CD38: variants seen among roughly 807,000 people sequenced by gnomAD.
The protein encoded by CD38 is ADP-ribosyl cyclase/cyclic ADP-ribose hydrolase 1.
A neutral mutation model predicts 36.3 loss-of-function variants in CD38; 31 were observed. The ratio of observed to expected loss-of-function variants is 0.85; its 90% CI spans 0.64 to 1.15. CD38 has a LOEUF of 1.15. CD38 is among the 50% of genes most tolerant of loss of function. The pLI, the probability that CD38 is intolerant of heterozygous loss-of-function variation, is 0.00. For missense variants in CD38, 380 were observed against 371.9 expected (o/e 1.02, Z -0.18); for synonymous variants, 131 against 135.2 (o/e 0.97, Z 0.22).
chr4:15,815,140 GT>G (rs1410291983), intron 1 of CD38, among the ~76,000 whole-genome samples: 1 of 151,762 alleles, frequency 6.6e-6, no homozygotes, highest in African/African-American at 2.4e-5. Flanking sequence ...CTATATATCT[GT>G]TTTGGTACTA....
At chr4:15,785,385 A>G (rs561987495) in intron 1 of CD38, among the ~76,000 whole-genome samples, 1 of 152,136 alleles carries the variant, frequency 6.6e-6, no homozygotes, top group South Asian at 2.1e-4. Flanking sequence ...GAAGATACCT[A>G]TTTCTATACC....
rs1441793149 is a variant in CD38, at chr4:15,824,962, C to G, written c.445C>G (p.Leu149Val). The G allele has an allele frequency of 1.2e-6, 2 of 1,613,804 alleles. No homozygotes were observed. The highest frequency in any genetic ancestry group is 1.7e-6 in the Non-Finnish European group (2 of 1,179,906). Residue 149 changes from leucine to valine, a missense_variant, in exon 3 of 8, where the codon CTG becomes GTG. Leu to Val is a conservative substitution (Grantham distance 32). Transcript: ENST00000226279. ...QRDMFTLEDT[L>V]LGYLADDLTW... ...GGACATGTTCACCCTGGAGGACACG[C>G]TGCTAGGCTACCTTGCTGATGACCT...
chr4:15,819,245 A>G (rs535983841), intron 2 of CD38, among the ~76,000 whole-genome samples: 26 of 152,264 alleles, frequency 1.7e-4, no homozygotes, highest in Middle Eastern at 3.4e-3. Context: ...TGACGGGTTG[A>G]TGGGTGCAGC....
At chr4:15,808,582 A>G (rs1220324665) in intron 1 of CD38, among the ~76,000 whole-genome samples, 6 of 152,252 alleles carry the variant, frequency 3.9e-5, no homozygotes, top group Admixed American at 3.9e-4. Flanking sequence ...ACCACTCTAT[A>G]CTAGTCCAGG....
intron 1 of CD38, among the ~76,000 whole-genome samples, chr4:15,788,428 C>A (rs1319012331): frequency 6.6e-6 from 1 of 152,092 alleles, no homozygotes; most frequent in Non-Finnish European, 1.5e-5. Context: ...ATTCCATGCA[C>A]CTTCAGTCCT....
chr4:15,789,935 G>A (rs1339594087), intron 1 of CD38, among the ~76,000 whole-genome samples: 3 of 152,108 alleles, frequency 2.0e-5, no homozygotes, highest in African/African-American at 7.2e-5. Flanking sequence ...CCCAGCTTCA[G>A]GTATTCTGCT....
At chr4:15,818,525 A>G (rs1383661636) in intron 2 of CD38, among the ~76,000 whole-genome samples, 1 of 152,194 alleles carries the variant, frequency 6.6e-6, no homozygotes, top group Non-Finnish European at 1.5e-5. Flanking sequence ...TGCCTCCTCA[A>G]GTGAGTCCCT....
intron 2 of CD38, among the ~76,000 whole-genome samples, chr4:15,822,146 T>C (rs887237101): frequency 2.0e-5 from 3 of 152,190 alleles, no homozygotes; most frequent in Non-Finnish European, 2.9e-5. Context: ...TCACCATCCC[T>C]TCACGTTAAA....
chr4:15,819,982 A>G (rs1723697500), intron 2 of CD38, among the ~76,000 whole-genome samples: 1 of 152,216 alleles, frequency 6.6e-6, no homozygotes, highest in Non-Finnish European at 1.5e-5. Context: ...AGCCAATTAG[A>G]CTAACAGCAG....
chr4:15,848,578 T>G lies in CD38; in HGVS notation c.879T>G (p.Asp293Glu). 6.2e-7 allele frequency: 1 copy of G among 1,613,964 alleles called. No individual in the cohort carries two copies. Among genetic ancestry groups the G allele is most frequent in the Non-Finnish European group, 8.5e-7 (1 of 1,179,852 alleles). ...TTCAGTGTGTGAAAAATCCTGAGGA[T>G]TCATCTTGCACATCTGAGATCTGAG... ...KFLQCVKNPE[D>E]SSCTSEI is the part of the protein sequence containing the mutation. Residue 293 changes from aspartate (D) to glutamate (E), a missense_variant, in exon 8 of 8, where the codon GAT (aspartate) becomes GAG (glutamate). By Grantham distance (45) the Asp-to-Glu change is conservative. Coordinates refer to ENST00000226279, the MANE Select transcript of CD38 (RefSeq NM_001775.4).
chr4:15,849,209 G>C lies in CD38; in HGVS notation c.*607G>C, dbSNP rs1724334678. ...TTTTAGATGAGAAAATGGGAGCTCA[G>C]AGAGGTTATATATTTAAGTTGGTGC... On this transcript the variant is annotated 3_prime_UTR_variant, in exon 8 of 8. Coordinates refer to ENST00000226279, the MANE Select transcript of CD38 (RefSeq NM_001775.4). The C allele has an allele frequency of 6.6e-6, 1 of 152,162 alleles. No individual in the cohort carries two copies. The highest frequency in any genetic ancestry group is 2.4e-5 in the African/African-American group (1 of 41,442). 9.4% of individuals were successfully genotyped at this position (152,162 alleles called of 1,614,324 possible). A position where few individuals can be genotyped will look rare whatever the true frequency, so the allele number is the denominator to read the frequency against.
chr4:15,818,841 A>C (rs1316348639), intron 2 of CD38, among the ~76,000 whole-genome samples: 2 of 152,124 alleles, frequency 1.3e-5, no homozygotes, highest in African/African-American at 4.8e-5. Context: ...CCCCACAAAA[A>C]CCCATCCAAA....
At chr4:15,811,284 T>G (rs1723463906) in intron 1 of CD38, among the ~76,000 whole-genome samples, 1 of 152,218 alleles carries the variant, frequency 6.6e-6, no homozygotes, top group Admixed American at 6.5e-5. Context: ...AAAGTGTAAT[T>G]TATGTATTTT....
chr4:15,826,799 TC>T (rs1013381369), intron 3 of CD38, among the ~76,000 whole-genome samples: 134 of 152,232 alleles, frequency 8.8e-4, no homozygotes, highest in African/African-American at 3.0e-3. Flanking sequence ...TTTACCTATA[TC>T]CCCACTAACA....
At chr4:15,782,313 G>T (rs771889060) in intron 1 of CD38, among the ~76,000 whole-genome samples, 4 of 152,178 alleles carry the variant, frequency 2.6e-5, no homozygotes, top group Non-Finnish European at 5.9e-5. Context: ...CTCCATGGAG[G>T]AAGTAGCAAA....
chr4:15,839,418 T>C (rs1418751117), intron 5 of CD38, among the ~76,000 whole-genome samples: 4 of 94,774 alleles, frequency 4.2e-5, no homozygotes, highest in Non-Finnish European at 9.4e-5. Context: ...TACATTTCTT[T>C]TTTTTTTTTT....
At chr4:15,816,105 A>C (rs1354166113) in intron 1 of CD38, among the ~76,000 whole-genome samples, 1 of 152,122 alleles carries the variant, frequency 6.6e-6, no homozygotes, top group Non-Finnish European at 1.5e-5. Flanking sequence ...TGCATCCCAG[A>C]GATGAAGCCA....
At chr4:15,825,123 C>G in intron 3 of CD38, 107 bp downstream of exon 3, 1 of 1,076,882 alleles carries the variant, frequency 9.3e-7, no homozygotes, top group Non-Finnish European at 1.3e-6. Context: ...CCACAGGCAC[C>G]CATCCTGATG....
chr4:15,815,746 A>G (rs186835816), intron 1 of CD38, among the ~76,000 whole-genome samples: 1 of 152,226 alleles, frequency 6.6e-6, no homozygotes, highest in East Asian at 1.9e-4. Context: ...CTATATGAGT[A>G]CACTTTATTT....
Sources: gnomAD v4.1 joint callset for allele counts (sites outside exome capture counted in the v4.1 genomes callset) on GRCh38, gnomAD v4.1.1 for gene constraint, MANE v1.5 for transcripts, NCBI Gene and HGNC (gene_info 2026-07-23, HGNC 2026-07-21) for gene names.